Variants in APPL1 observed in about 807,000 individuals in gnomAD.
The protein encoded by APPL1 is adaptor protein, phosphotyrosine interacting with PH domain and leucine zipper 1.
Under a neutral mutation model 106.8 loss-of-function variants are expected in APPL1, and 42 were observed. The ratio of observed to expected loss-of-function variants is 0.39; its 90% CI spans 0.31 to 0.51. The LOEUF is 0.51. Among genes scored for constraint, APPL1 ranks in the 20% least tolerant of loss-of-function variants. The pLI, the probability that APPL1 is intolerant of heterozygous loss-of-function variation, is 0.75. For synonymous variants in APPL1, 263 were observed against 281.8 expected (o/e 0.93, Z 0.67); for missense variants, 769 against 858.2 (o/e 0.90, Z 1.30).
intron 15 of APPL1, 132 bp from the exon 16 acceptor site, chr3:57,258,896 T>C: frequency 1.6e-6 from 1 of 617,030 alleles, no homozygotes; most frequent in South Asian, 2.3e-5. Context: ...TGATCAATAG[T>C]GTTTCTTAAT....
Position 57,257,467 on chromosome 3 carries a change from G to T in APPL1, c.1430+39G>T, listed in dbSNP as rs374166638. 2.1e-4 allele frequency: 314 copies of T among 1,514,228 alleles called. 2 individuals carry two copies. The highest frequency in any genetic ancestry group is 6.0e-5 in the Non-Finnish European group (68 of 1,124,320). The allele number at this position is 1,514,228 out of a possible 1,614,324, so 93.8% of individuals were successfully genotyped here. On this transcript the variant is annotated intron_variant, in intron 15 of 21. Transcript: ENST00000288266. ...TCACAGGTACATTGTGCTGTGGTCTGTAAGGCTTATAATCCCCTGTCTGCA... is the reference window on the plus strand; with the variant it reads ...TCACAGGTACATTGTGCTGTGGTCTTTAAGGCTTATAATCCCCTGTCTGCA...
In APPL1 at chr3:57,237,545, A is replaced by G. The variant is rs1176465252; in HGVS notation, c.207A>G (p.Glu69=). The G allele has an allele frequency of 6.3e-7, 1 of 1,594,460 alleles. No homozygotes were observed. The highest frequency in any genetic ancestry group is 8.6e-7 in the Non-Finnish European group (1 of 1,168,114). The change falls in exon 3 of 22, where the codon GAA becomes GAG. Residue 69 remains glutamate, a synonymous_variant. Coordinates refer to ENST00000288266, the MANE Select transcript of APPL1 (RefSeq NM_012096.3). ...HLTSKLLKEY[E]KQRFPLGGDD... ...CCTCAAAACTTTTAAAAGAATATGA[A>G]AAACAGGTATTGTATATCAAAGTTT...
chr3:57,241,990 C>A, intron 5 of APPL1, 111 bp from the exon 6 acceptor site: 1 of 735,124 alleles, frequency 1.4e-6, no homozygotes, highest in Non-Finnish European at 2.2e-6. Flanking sequence ...GAATGTTGAA[C>A]TATGAAATAT....
chr3:57,249,293 G>A, intron 10 of APPL1, 67 bp from the exon 11 acceptor site: 3 of 1,545,312 alleles, frequency 1.9e-6, no homozygotes, highest in East Asian at 2.3e-5. Flanking sequence ...GCTTTATCTT[G>A]TGTCTAGCTG....
At chr3:57,239,280 A>C (rs546591779) in intron 4 of APPL1, among the ~76,000 whole-genome samples, 1 of 152,212 alleles carries the variant, frequency 6.6e-6, no homozygotes, top group Non-Finnish European at 1.5e-5. Context: ...AACCATATCA[A>C]GCAGTCACTT....
At position 57,248,323 on chromosome 3, in the gene APPL1, C is replaced by T. The variant is rs964712289; in HGVS notation, c.835C>T (p.Arg279Ter). ...TKFPVNRNLT[R>*]KAGYLNARNK... ...ATTTCCTGTTAATCGAAATTTAACC[C>T]GAAAGGCTGGATACCTTAATGCTAG... The change falls in exon 10 of 22, where the codon CGA (arginine) becomes TGA (stop). Residue 279 changes from arginine (R) to a stop codon, truncating the protein, a stop_gained. Coordinates refer to ENST00000288266, the MANE Select transcript of APPL1 (RefSeq NM_012096.3). LOFTEE classifies it high-confidence loss of function. 15 of 1,613,874 alleles carry T rather than the reference C, an allele frequency of 9.3e-6. No homozygotes were observed. The highest frequency in any genetic ancestry group is 1.2e-5 in the Non-Finnish European group (14 of 1,180,002).
chr3:57,236,364 T>A (rs1191500788), intron 2 of APPL1, among the ~76,000 whole-genome samples: 11 of 144,302 alleles, frequency 7.6e-5, no homozygotes, highest in Admixed American at 7.2e-5. Context: ...GTTTTGCTAA[T>A]GTCTCCCAGG....
chr3:57,231,744 G>A lies in APPL1; in HGVS notation c.54+3807G>A, dbSNP rs548563490. Among the ~76,000 whole-genome samples, 31 of 151,554 alleles carry A rather than the reference G, an allele frequency of 2.0e-4. 1 individual carries two copies. The South Asian group carries it at 6.5e-3, about 32-fold the overall frequency. On this transcript the variant is annotated intron_variant, in intron 1 of 21. Transcript: ENST00000288266. ...GATCGATTGAGTCCAGGAGTCTGTG[G>A]CTGCAGTGAGCTATGATCACACCAC...
In APPL1 at chr3:57,270,494, A is replaced by G. The variant is rs980736127; in HGVS notation, c.*807A>G. 6.6e-6 allele frequency: 1 copy of G among 152,648 alleles called. No homozygotes were observed. The highest frequency in any genetic ancestry group is 1.5e-5 in the Non-Finnish European group (1 of 68,018). The allele number at this position is 152,648 out of a possible 1,614,324, so 9.5% of individuals were successfully genotyped here. On this transcript the variant is annotated 3_prime_UTR_variant, in exon 22 of 22. Coordinates refer to ENST00000288266, the MANE Select transcript of APPL1 (RefSeq NM_012096.3). Reference sequence around the variant, plus strand: ...CAATACATTTTAGATTAGGATTGACAAGTAAAGATACTGCTATGGAATGAT... The same window carrying G: ...CAATACATTTTAGATTAGGATTGACGAGTAAAGATACTGCTATGGAATGAT...
In APPL1 at chr3:57,269,892, T is replaced by C. The variant is rs886213023; in HGVS notation, c.*205T>C. Reference sequence around the variant, plus strand: ...TTTCCCCCTTAAACATAATGTACTATGTATTAACATCTAAAGGAAACCTGC... The same window carrying C: ...TTTCCCCCTTAAACATAATGTACTACGTATTAACATCTAAAGGAAACCTGC... On this transcript the variant is annotated 3_prime_UTR_variant, in exon 22 of 22. Transcript: ENST00000288266. The C allele has an allele frequency of 4.3e-6, 2 of 469,358 alleles. No individual in the cohort carries two copies. Among genetic ancestry groups the C allele is most frequent in the Non-Finnish European group, 7.2e-6 (2 of 276,914 alleles). The allele number at this position is 469,358 out of a possible 1,614,324, so 29.1% of individuals were successfully genotyped here.
In APPL1 at chr3:57,272,250, C is replaced by T. The variant is rs1196244185; in HGVS notation, c.*2563C>T. ...GTCAGTAGATAGGAAACCAGTTATT[C>T]CTTCTACCTTTAAAAATTTTGAGAA... is the stretch of plus-strand genomic sequence containing the variant. On this transcript the variant is annotated 3_prime_UTR_variant, in exon 22 of 22. Transcript: ENST00000288266. 2.0e-5 allele frequency: 3 copies of T among 152,166 alleles called. No individual in the cohort carries two copies. Among genetic ancestry groups the T allele is most frequent in the Non-Finnish European group, 4.4e-5 (3 of 68,026 alleles). The allele number at this position is 152,166 out of a possible 1,614,324, so 9.4% of individuals were successfully genotyped here.
intron 13 of APPL1, among the ~76,000 whole-genome samples, chr3:57,255,225 C>T (rs1017984069): frequency 1.5e-4 from 23 of 152,148 alleles, no homozygotes; most frequent in Admixed American, 1.5e-3. Flanking sequence ...ACAGGAGCTG[C>T]CTGACCTCTG....
chr3:57,256,908 G>C lies in APPL1; in HGVS notation c.1153-49G>C, dbSNP rs377092000. 2.0e-6 allele frequency: 3 copies of C among 1,495,224 alleles called. No individual in the cohort carries two copies. The Admixed American group carries it at 5.1e-5, about 26-fold the overall frequency. 92.6% of individuals were successfully genotyped at this position (1,495,224 alleles called of 1,614,324 possible). ...ATTCAGAGTTACATTCAAACTTTTGGTTTGCTTACTTTACTAATATTAGTC... is the reference window on the plus strand; with the variant it reads ...ATTCAGAGTTACATTCAAACTTTTGCTTTGCTTACTTTACTAATATTAGTC... On this transcript the variant is annotated intron_variant, in intron 13 of 21. Coordinates refer to ENST00000288266, the MANE Select transcript of APPL1 (RefSeq NM_012096.3).
At chr3:57,258,777 G>A (rs1291812764) in intron 15 of APPL1, 1 of 342,828 alleles carries the variant, frequency 2.9e-6, no homozygotes, top group African/African-American at 2.1e-5. Context: ...TTATTATGTT[G>A]ATTTTTTGTT....
intron 11 of APPL1, among the ~76,000 whole-genome samples, chr3:57,250,804 CTTTTTTTTTT>C (rs71088045): frequency 1.8e-5 from 2 of 110,286 alleles, no homozygotes; most frequent in South Asian, 3.1e-4. Context: ...AACTTTCTTT[CTTTTTTTTTT>C]TTTTTTTTTT....
At chr3:57,241,725 A>G (rs922265475) in intron 5 of APPL1, among the ~76,000 whole-genome samples, 1 of 152,214 alleles carries the variant, frequency 6.6e-6, no homozygotes, top group South Asian at 2.1e-4. Flanking sequence ...AAGGGGACTG[A>G]ATGGCATAAT....
chr3:57,248,481 A>G (rs748777358), intron 10 of APPL1, 130 bp downstream of exon 10: 21 of 1,021,526 alleles, frequency 2.1e-5, no homozygotes, highest in Non-Finnish European at 2.6e-5. Flanking sequence ...AGGTGTTAGT[A>G]TTTATGTGAA....
Position 57,242,839 on chromosome 3 carries a change from T to C in APPL1, c.416-17T>C. Reference sequence around the variant, plus strand: ...AAAAGTACTGTTGTATTGTTAACACTCATTTCTTTTTTCCAGATCATGATG... The same window carrying C: ...AAAAGTACTGTTGTATTGTTAACACCCATTTCTTTTTTCCAGATCATGATG... On this transcript the variant is annotated splice_polypyrimidine_tract_variant and intron_variant, in intron 6 of 21. Transcript: ENST00000288266. The C allele has an allele frequency of 6.3e-7, 1 of 1,593,478 alleles. No individual in the cohort carries two copies. Among genetic ancestry groups the C allele is most frequent in the African/African-American group, 1.3e-5 (1 of 74,630 alleles).
intron 15 of APPL1, among the ~76,000 whole-genome samples, 165 bp downstream of exon 15, chr3:57,257,593 T>C (rs946996529): frequency 2.0e-5 from 3 of 152,254 alleles, no homozygotes; most frequent in Non-Finnish European, 1.5e-5. Context: ...CAGGTTTTTT[T>C]CTCTATGTCT....
Sources: allele counts gnomAD v4.1 joint callset (sites outside exome capture counted in the v4.1 genomes callset), GRCh38; gene constraint gnomAD v4.1.1; transcripts MANE v1.5; gene names NCBI Gene and HGNC (gene_info 2026-07-23, HGNC 2026-07-21).